The following JRK variants were observed in gnomAD, a reference collection of about 807,000 sequenced individuals.
JRK encodes the protein Jrk helix-turn-helix protein.
For synonymous variants in JRK, 303 were observed against 218.1 expected (o/e 1.39, Z -3.43); for missense variants, 720 against 509.2 (o/e 1.41, Z -3.98).
rs782611103 is a variant in JRK, at chr8:142,658,558, G to A, written c.*5794C>T. 73 of 266,274 alleles carry A rather than the reference G, an allele frequency of 2.7e-4. No homozygotes were observed. Among genetic ancestry groups the A allele is most frequent in the Non-Finnish European group, 4.9e-4 (67 of 136,870 alleles). The allele number at this position is 266,274 out of a possible 1,614,324, so 16.5% of individuals were successfully genotyped here. On this transcript the variant is annotated 3_prime_UTR_variant, in exon 2 of 2. Coordinates refer to ENST00000612905, the MANE Select transcript of JRK (RefSeq NM_003724.4). Reference sequence around the variant, plus strand: ...TTCTTGTATGCTCACACAGCACAAAGTGACCTCGCTCTAGTTCCTTCCTTT... The same window carrying A: ...TTCTTGTATGCTCACACAGCACAAAATGACCTCGCTCTAGTTCCTTCCTTT...
chr8:142,648,084 T>C, the JRK span, among the ~76,000 whole-genome samples: 8 of 152,200 alleles, frequency 5.3e-5, no homozygotes, highest in Non-Finnish European at 1.2e-4. Context: ...ATTTAGGATA[T>C]CTGGCAGAAG....
chr8:142,655,603 G>T (rs1454275984), downstream of JRK, among the ~76,000 whole-genome samples: 1 of 95,006 alleles, frequency 1.1e-5, no homozygotes, highest in Non-Finnish European at 2.7e-5. Flanking sequence ...AACGGCTCCG[G>T]ACTCCAAACT....
Position 142,661,495 on chromosome 8 carries a change from G to A in JRK, c.*2857C>T. 1 of 985,534 alleles carries A rather than the reference G, an allele frequency of 1.0e-6. No individual in the cohort carries two copies. The highest frequency in any genetic ancestry group is 1.2e-6 in the Non-Finnish European group (1 of 829,998). The allele number at this position is 985,534 out of a possible 1,614,324, so 61.0% of individuals were successfully genotyped here. A position where few individuals can be genotyped will look rare whatever the true frequency, so the allele number is the denominator to read the frequency against. ...AGGTTCTATTAGCAGGCTGGAAGCA[G>A]CCACAGAGGTCCCAAACCATATGAC... On this transcript the variant is annotated 3_prime_UTR_variant, in exon 2 of 2. Coordinates refer to ENST00000612905, the MANE Select transcript of JRK (RefSeq NM_003724.4).
At chr8:142,652,174 T>C in the JRK span, among the ~76,000 whole-genome samples, 1 of 152,070 alleles carries the variant, frequency 6.6e-6, no homozygotes, top group Non-Finnish European at 1.5e-5. Flanking sequence ...ATAGGAGATT[T>C]TTTCAAAGGT....
Position 142,662,469 on chromosome 8 carries a change from T to TG in JRK, c.*1882dup, listed in dbSNP as rs3839865. On this transcript the variant is annotated 3_prime_UTR_variant, in exon 2 of 2. Coordinates refer to ENST00000612905, the MANE Select transcript of JRK (RefSeq NM_003724.4). ...GAGCCCAGAAATGGCACAAAGTACA[T>TG]GATGTGCAGAAGTTCCCCAGACAAT... 0.66 allele frequency: 651,975 copies of TG among 985,208 alleles called. 219,014 individuals carry two copies. The highest frequency in any genetic ancestry group is 0.69 in the Admixed American group (11,272 of 16,280). 61.0% of individuals were successfully genotyped at this position (985,208 alleles called of 1,614,324 possible). A position where few individuals can be genotyped will look rare whatever the true frequency, so the allele number is the denominator to read the frequency against.
chr8:142,648,063 TGAGA>T, the JRK span, among the ~76,000 whole-genome samples: 2 of 152,164 alleles, frequency 1.3e-5, no homozygotes, highest in African/African-American at 4.8e-5. Flanking sequence ...ATTCTGAACT[TGAGA>T]GAGATGATTT....
intron 1 of JRK, among the ~76,000 whole-genome samples, chr8:142,669,323 G>A (rs1174536628): frequency 5.3e-5 from 8 of 152,006 alleles, no homozygotes; most frequent in Non-Finnish European, 8.8e-5. Flanking sequence ...AGAGAAGGAG[G>A]GGACAGAAAG....
intron 1 of JRK, among the ~76,000 whole-genome samples, chr8:142,668,069 T>A (rs1176731639): frequency 6.6e-6 from 1 of 152,234 alleles, no homozygotes; most frequent in African/African-American, 2.4e-5. Flanking sequence ...GCGTGCGTGC[T>A]ATGGGCAGGG....
Position 142,658,718 on chromosome 8 carries a change from G to T in JRK, c.*5634C>A. 7.1e-7 allele frequency: 1 copy of T among 1,403,394 alleles called. No homozygotes were observed. The highest frequency in any genetic ancestry group is 9.4e-7 in the Non-Finnish European group (1 of 1,065,866). The allele number at this position is 1,403,394 out of a possible 1,614,324, so 86.9% of individuals were successfully genotyped here. The stretch of plus-strand genomic sequence containing the variant: ...TTTCAACATATAAACTTTGGGGGGG[G>T]ACACAAACATGCAGTCCTTAACACC... On this transcript the variant is annotated 3_prime_UTR_variant, in exon 2 of 2. Transcript: ENST00000612905.
chr8:142,652,851 C>T (rs1168912463), downstream of JRK, among the ~76,000 whole-genome samples: 3 of 152,222 alleles, frequency 2.0e-5, no homozygotes, highest in Non-Finnish European at 4.4e-5. Flanking sequence ...CACACAGCCA[C>T]ATTTCCTTCT....
At chr8:142,652,298 G>A in the JRK span, among the ~76,000 whole-genome samples, 6 of 152,124 alleles carry the variant, frequency 3.9e-5, no homozygotes, top group African/African-American at 1.2e-4. Context: ...GAGGACACAC[G>A]CCCATGACAC....
the JRK span, among the ~76,000 whole-genome samples, chr8:142,649,441 T>C: frequency 5.9e-5 from 9 of 152,234 alleles, no homozygotes; most frequent in African/African-American, 1.9e-4. Context: ...GACCTGATGG[T>C]TTTTTGAAGA....
downstream of JRK, among the ~76,000 whole-genome samples, chr8:142,655,532 C>T (rs144286930): frequency 1.9e-3 from 286 of 152,290 alleles, 2 homozygotes; most frequent in African/African-American, 6.6e-3. Context: ...CCAAGAAAAG[C>T]GGGGAATCAC....
chr8:142,665,752 C>T lies in JRK; in HGVS notation c.307G>A (p.Glu103Lys), dbSNP rs782147849. ...ATGGGGCCTGACACGGGGACGCCCT[C>T]GGAGCGCTTCCCCAGGAACCACTCG... ...LYEWFLGKRS[E>K]GVPVSGPMLI... The change falls in exon 2 of 2, where the codon GAG (glutamate) becomes AAG (lysine). Residue 103 changes from glutamate to lysine, a missense_variant. Transcript: ENST00000612905. The T allele has an allele frequency of 9.0e-6, 7 of 774,548 alleles. No individual in the cohort carries two copies. Among genetic ancestry groups the T allele is most frequent in the Admixed American group, 1.7e-5 (1 of 58,468 alleles). 48.0% of individuals were successfully genotyped at this position (774,548 alleles called of 1,614,324 possible).
chr8:142,646,957 C>G, the JRK span, among the ~76,000 whole-genome samples: 6,185 of 152,206 alleles, frequency 0.041, 408 homozygotes, highest in African/African-American at 0.14. Flanking sequence ...TTAAATAGCC[C>G]TAAGTCTGCA....
At position 142,666,044 on chromosome 8, in the gene JRK, C is replaced by T. The variant is rs1554636047; in HGVS notation, c.15G>A (p.Pro5=). MASK[P]AAGKSRGEKR... ...TCTCCCCTCTGCTCTTCCCGGCAGC[C>T]GGCTTGGAGGCCATGGGGAGGGGTG... Residue 5 remains proline (P), a synonymous_variant, in exon 2 of 2, where the codon CCG becomes CCA. Transcript: ENST00000612905. 14 of 1,603,798 alleles carry T rather than the reference C, an allele frequency of 8.7e-6. No homozygotes were observed. The highest frequency in any genetic ancestry group is 1.1e-5 in the South Asian group (1 of 90,414).
chr8:142,659,172 G>C lies in JRK; in HGVS notation c.*5180C>G, dbSNP rs996007829. ...GGCAGCTCCTCCCACTGAGCCTCAT[G>C]GTCACCCCAGAGGACAGGCCTTCCT... On this transcript the variant is annotated 3_prime_UTR_variant, in exon 2 of 2. Transcript: ENST00000612905. 5.1e-5 allele frequency: 67 copies of C among 1,324,102 alleles called. 1 individual carries two copies. The East Asian group carries it at 7.3e-4, about 14-fold the overall frequency. The allele number at this position is 1,324,102 out of a possible 1,614,324, so 82.0% of individuals were successfully genotyped here.
Position 142,658,638 on chromosome 8 carries a change from C to G in JRK, c.*5714G>C. ...CCCCACCCTCACGATCTCACCTAAGCCTAGTCACCTCCCAAAGGCCCCACC... is the reference window on the plus strand; with the variant it reads ...CCCCACCCTCACGATCTCACCTAAGGCTAGTCACCTCCCAAAGGCCCCACC... On this transcript the variant is annotated 3_prime_UTR_variant, in exon 2 of 2. Coordinates refer to ENST00000612905, the MANE Select transcript of JRK (RefSeq NM_003724.4). 7.8e-6 allele frequency: 5 copies of G among 639,258 alleles called. No homozygotes were observed. The highest frequency in any genetic ancestry group is 1.2e-5 in the Non-Finnish European group (5 of 410,576). The allele number at this position is 639,258 out of a possible 1,614,324, so 39.6% of individuals were successfully genotyped here. A position where few individuals can be genotyped will look rare whatever the true frequency, so the allele number is the denominator to read the frequency against.
Position 142,661,528 on chromosome 8 carries a change from C to G in JRK, c.*2824G>C, listed in dbSNP as rs1846915912. 2 of 985,374 alleles carry G rather than the reference C, an allele frequency of 2.0e-6. No homozygotes were observed. Among genetic ancestry groups the G allele is most frequent in the African/African-American group, 1.7e-5 (1 of 57,242 alleles). 61.0% of individuals were successfully genotyped at this position (985,374 alleles called of 1,614,324 possible). On this transcript the variant is annotated 3_prime_UTR_variant, in exon 2 of 2. Coordinates refer to ENST00000612905, the MANE Select transcript of JRK (RefSeq NM_003724.4). The stretch of plus-strand genomic sequence containing the variant: ...GGTCCCAAACCATATGACGCAGCAC[C>G]TGCTACCCCACGAGCCACTGGAAAA...
Sources: allele counts gnomAD v4.1 joint callset (sites outside exome capture counted in the v4.1 genomes callset), GRCh38; gene constraint gnomAD v4.1.1; transcripts MANE v1.5; gene names NCBI Gene and HGNC (gene_info 2026-07-23, HGNC 2026-07-21).